The following MYRF variants were observed in gnomAD, a reference collection of about 807,000 sequenced individuals.
MYRF encodes the protein myelin gene regulatory factor.
A neutral mutation model predicts 126.3 loss-of-function variants in MYRF; 16 were observed. That is an observed-to-expected ratio of 0.13 (90% confidence interval 0.09 to 0.19). MYRF has a LOEUF of 0.19. Among genes scored for constraint, MYRF ranks in the 10% least tolerant of loss-of-function variants. MYRF has a pLI of 1.00. For missense variants in MYRF, 1,104 were observed against 1,547.0 expected (o/e 0.71, Z 4.80); for synonymous variants, 608 against 635.3 (o/e 0.96, Z 0.65).
rs571990773 is a variant in MYRF at position 61,771,789 on chromosome 11, C to T, written c.991+39C>T. ...CAACTCTTCAAGGTGGGGTGTGGGACCCAAGGTGCAGGGCCCACATGGGCG... is the reference window on the plus strand; with the variant it reads ...CAACTCTTCAAGGTGGGGTGTGGGATCCAAGGTGCAGGGCCCACATGGGCG... On this transcript the variant is annotated intron_variant, in intron 6 of 26. Transcript: ENST00000278836. The T allele has an allele frequency of 6.8e-6, 11 of 1,613,554 alleles. No homozygotes were observed. The South Asian group carries it at 1.1e-4, about 16-fold the overall frequency.
At position 61,778,510 on chromosome 11, in the gene MYRF, G is replaced by A. The variant is rs775933428; in HGVS notation, c.2013+21G>A. ...ACAAGGTCTGTGGGTGGGGGAATGG[G>A]AGGGAGCCCAGAGGCAAGTGGGGAG... is the stretch of plus-strand genomic sequence containing the variant. On this transcript the variant is annotated intron_variant, in intron 14 of 26. Coordinates refer to ENST00000278836, the MANE Select transcript of MYRF (RefSeq NM_001127392.3). This position sits in a 1 kb window ranked among gnomAD's most constrained non-coding sequence, Gnocchi z 4.6. 4 of 1,573,228 alleles carry A rather than the reference G, an allele frequency of 2.5e-6. No individual in the cohort carries two copies. The African/African-American group carries it at 4.1e-5, about 16-fold the overall frequency.
chr11:61,763,744 A>C (rs979924320), intron 1 of MYRF, among the ~76,000 whole-genome samples: 1 of 152,172 alleles, frequency 6.6e-6, no homozygotes, highest in Non-Finnish European at 1.5e-5. Flanking sequence ...GGGCGCCTGT[A>C]ATCTCAGCTA....
chr11:61,763,949 A>G (rs2065974636), intron 1 of MYRF, among the ~76,000 whole-genome samples: 1 of 152,254 alleles, frequency 6.6e-6, no homozygotes, highest in Admixed American at 6.5e-5. Context: ...GTAGGCACTC[A>G]GTAAATGGGA....
chr11:61,765,418 G>A (rs1428259924), intron 1 of MYRF, among the ~76,000 whole-genome samples: 6 of 152,102 alleles, frequency 3.9e-5, no homozygotes, highest in African/African-American at 1.4e-4. Context: ...GCCTTGTGGT[G>A]GGGCGGGGGG....
At chr11:61,775,434 C>T (rs1296474835) in intron 8 of MYRF, among the ~76,000 whole-genome samples, 1 of 152,236 alleles carries the variant, frequency 6.6e-6, no homozygotes, top group African/African-American at 2.4e-5. Context: ...GGGCCCCTCC[C>T]CTAAGACCCA....
At chr11:61,775,839 G>A (rs542903095) in intron 8 of MYRF, among the ~76,000 whole-genome samples, 30 of 151,826 alleles carry the variant, frequency 2.0e-4, no homozygotes, top group East Asian at 3.9e-4. Context: ...GGAGTGGTAT[G>A]CTGTGAGGGG....
intron 3 of MYRF, chr11:61,767,646 A>T (rs1244114706): frequency 2.9e-6 from 1 of 342,716 alleles, no homozygotes; most frequent in African/African-American, 2.2e-5. Flanking sequence ...CAACATGATG[A>T]AACCCCATCT....
At chr11:61,762,422 G>A (rs768328510) in intron 1 of MYRF, among the ~76,000 whole-genome samples, 7 of 152,190 alleles carry the variant, frequency 4.6e-5, no homozygotes, top group African/African-American at 1.4e-4. Flanking sequence ...TGGCGGGCCC[G>A]GCTTCCCTTC....
chr11:61,760,467 C>T (rs949824344), intron 1 of MYRF, among the ~76,000 whole-genome samples: 1 of 152,148 alleles, frequency 6.6e-6, no homozygotes, highest in African/African-American at 2.4e-5. Flanking sequence ...GGGGCCGAGG[C>T]CCGGAGGCTG....
chr11:61,764,838 C>A (rs2066007648), intron 1 of MYRF, among the ~76,000 whole-genome samples: 2 of 152,218 alleles, frequency 1.3e-5, no homozygotes, highest in African/African-American at 4.8e-5. Context: ...GAGAGGGCGG[C>A]AGGCAGAGGA....
intron 1 of MYRF, 91 bp from the exon 2 acceptor site, chr11:61,765,534 C>T (rs2135743879): frequency 2.8e-6 from 3 of 1,063,728 alleles, no homozygotes; most frequent in Admixed American, 2.4e-5. Flanking sequence ...TTTGGAGGGC[C>T]AGCCTGGGCA....
Position 61,785,893 on chromosome 11 carries a change from C to T in MYRF, c.3375+19C>T. The T allele has an allele frequency of 6.2e-7, 1 of 1,612,934 alleles. No homozygotes were observed. On this transcript the variant is annotated intron_variant, in intron 26 of 26. Coordinates refer to ENST00000278836, the MANE Select transcript of MYRF (RefSeq NM_001127392.3). The stretch of plus-strand genomic sequence containing the variant: ...ACTGCTGGTGAGCAGGGGCATCCCA[C>T]CTACCCTGGAGGTCTGGGCACCCCT...
At chr11:61,766,946 C>T in intron 3 of MYRF, 1 of 451,162 alleles carries the variant, frequency 2.2e-6, no homozygotes, top group South Asian at 1.6e-5. Flanking sequence ...TGTGTTCAGA[C>T]AGCCTGGCTC....
chr11:61,765,839 G>T, intron 2 of MYRF, 119 bp from the exon 3 acceptor site: 1 of 1,424,258 alleles, frequency 7.0e-7, no homozygotes, highest in East Asian at 2.5e-5. Context: ...GCTGCTCCTC[G>T]TCCCTTCCCA....
chr11:61,755,291 G>C, intron 1 of MYRF: 1 of 1,388,346 alleles, frequency 7.2e-7, no homozygotes, highest in East Asian at 2.5e-5. Context: ...CAGGTGGGAG[G>C]CCGGGACAGA....
At chr11:61,754,978 G>C (rs1463759063) in intron 1 of MYRF, among the ~76,000 whole-genome samples, 3 of 152,200 alleles carry the variant, frequency 2.0e-5, no homozygotes, top group Non-Finnish European at 4.4e-5. Flanking sequence ...GGAGCGGGAA[G>C]TTGTGCTTTT....
chr11:61,780,627 C>T (rs2066515846), intron 18 of MYRF, 85 bp from the exon 19 acceptor site: 1 of 1,373,166 alleles, frequency 7.3e-7, no homozygotes, highest in African/African-American at 1.4e-5. Context: ...ACTGTCACCC[C>T]CAGCTCCTGG....
rs2066716032 is a variant in MYRF at position 61,787,283 on chromosome 11, C to G, written c.*1140C>G. ...GGGAGCCTCCGACACCCATCCCACT[C>G]CCAACCACCAAGACCCTGGGTTAGG... On this transcript the variant is annotated 3_prime_UTR_variant, in exon 27 of 27. Transcript: ENST00000278836. 6.6e-6 allele frequency: 1 copy of G among 152,300 alleles called. No homozygotes were observed. The highest frequency in any genetic ancestry group is 2.1e-4 in the South Asian group (1 of 4,816). 9.4% of individuals were successfully genotyped at this position (152,300 alleles called of 1,614,324 possible).
At chr11:61,784,653 G>A (rs1797826761) in intron 25 of MYRF, 1 of 418,680 alleles carries the variant, frequency 2.4e-6, no homozygotes, top group South Asian at 3.0e-5. Context: ...ATGTGGATGA[G>A]TGCAATGATG....
Sources: gnomAD v4.1 joint callset for allele counts (sites outside exome capture counted in the v4.1 genomes callset) on GRCh38, gnomAD v4.1.1 for gene constraint, Gnocchi (gnomAD v3.1) non-coding constraint, MANE v1.5 for transcripts, NCBI Gene and HGNC (gene_info 2026-07-23, HGNC 2026-07-21) for gene names.